The following SPIDR variants were observed in gnomAD, a reference collection of about 807,000 sequenced individuals.
SPIDR encodes scaffold protein involved in DNA repair.
A neutral mutation model predicts 104.6 loss-of-function variants in SPIDR; 93 were observed. That is an observed-to-expected ratio of 0.89 (90% CI 0.75 to 1.06). SPIDR has a LOEUF of 1.06. Among genes scored for constraint, SPIDR ranks in the 50% least tolerant of loss-of-function variants. SPIDR has a pLI of 0.00. For synonymous variants in SPIDR, 431 were observed against 416.9 expected (o/e 1.03, Z -0.41); for missense variants, 1,154 against 1,111.2 (o/e 1.04, Z -0.55).
rs201735323 is a variant in SPIDR, at chr8:47,685,505, A to ATTTTTTTTTTTTT, written c.1685+11567_1685+11568insTTTTTTTTTTTTT. Among the ~76,000 whole-genome samples, 23 of 104,418 alleles carry ATTTTTTTTTTTTT rather than the reference A, an allele frequency of 2.2e-4. 1 individual carries two copies. The highest frequency in any genetic ancestry group is 4.8e-4 in the Non-Finnish European group (20 of 41,646). 68.5% of individuals were successfully genotyped at this position (104,418 alleles called of 152,430 possible). A position where few individuals can be genotyped will look rare whatever the true frequency, so the allele number is the denominator to read the frequency against. On this transcript the variant is annotated intron_variant, in intron 11 of 19. Transcript: ENST00000297423. ...TATTTATTTATTTATTTATTTATTT[A>ATTTTTTTTTTTTT]TTTATTTATTTATTTTTTTGAGACA...
chr8:47,459,804 G>T (rs2073641746), intron 8 of SPIDR, among the ~76,000 whole-genome samples: 2 of 151,982 alleles, frequency 1.3e-5, no homozygotes, highest in South Asian at 2.1e-4. Flanking sequence ...CACCACCTTT[G>T]CCGTCTCCCA....
At chr8:47,417,843 G>A (rs1318152466) in intron 7 of SPIDR, among the ~76,000 whole-genome samples, 6 of 152,036 alleles carry the variant, frequency 3.9e-5, no homozygotes, top group African/African-American at 1.5e-4. Context: ...TCTACATATG[G>A]CTAGCCAGTT....
At chr8:47,557,293 G>A (rs191894615) in intron 8 of SPIDR, among the ~76,000 whole-genome samples, 5 of 152,254 alleles carry the variant, frequency 3.3e-5, no homozygotes, top group Admixed American at 1.3e-4. Context: ...TGCGGCAGGC[G>A]TATCTGAATA....
intron 5 of SPIDR, among the ~76,000 whole-genome samples, chr8:47,339,983 T>C (rs782789649): frequency 3.9e-5 from 6 of 152,268 alleles, no homozygotes; most frequent in Admixed American, 3.9e-4. Flanking sequence ...CTGGACTGTT[T>C]ACATTCTTCT....
intron 7 of SPIDR, among the ~76,000 whole-genome samples, chr8:47,424,279 A>G (rs1323911831): frequency 6.6e-6 from 1 of 152,172 alleles, no homozygotes; most frequent in Non-Finnish European, 1.5e-5. Flanking sequence ...TTGATATCAT[A>G]GTTTTTAAAA....
At chr8:47,479,356 CAAA>C (rs1186481801) in intron 8 of SPIDR, among the ~76,000 whole-genome samples, 2 of 92,070 alleles carry the variant, frequency 2.2e-5, no homozygotes, top group Non-Finnish European at 2.3e-5. Context: ...GAGACTCTCT[CAAA>C]AAAAAAAAAA....
intron 7 of SPIDR, among the ~76,000 whole-genome samples, chr8:47,418,619 C>T (rs954487408): frequency 1.3e-5 from 2 of 152,100 alleles, no homozygotes; most frequent in Admixed American, 6.5e-5. Flanking sequence ...ATTTCCTTCT[C>T]CTGCCTGATT....
chr8:47,315,414 A>C (rs1238256062), intron 5 of SPIDR, among the ~76,000 whole-genome samples: 1 of 152,178 alleles, frequency 6.6e-6, no homozygotes, highest in African/African-American at 2.4e-5. Flanking sequence ...GCAATAAGAT[A>C]TTCAGGAAAA....
At position 47,432,991 on chromosome 8, in the gene SPIDR, A is replaced by C. The variant is rs570858119; in HGVS notation, c.878-7332A>C. ...GCATCTCAGTCTTAATGTATTAAAA[A>C]TTTATGTCTTGATACCAGTATTCTC... On this transcript the variant is annotated intron_variant, in intron 7 of 19. Coordinates refer to ENST00000297423, the MANE Select transcript of SPIDR (RefSeq NM_001080394.4). Among the ~76,000 whole-genome samples, 308 of 152,332 alleles carry C rather than the reference A, an allele frequency of 2.0e-3. 2 individuals carry two copies. The highest frequency in any genetic ancestry group is 3.6e-3 in the Non-Finnish European group (246 of 68,030).
chr8:47,420,470 G>C (rs1554679319), intron 7 of SPIDR, among the ~76,000 whole-genome samples: 2 of 152,040 alleles, frequency 1.3e-5, no homozygotes, highest in Non-Finnish European at 1.5e-5. Context: ...TTTGCTTTTA[G>C]ATCTTCCTCC....
At position 47,673,806 on chromosome 8, in the gene SPIDR, G is replaced by C. The variant is rs372226302; in HGVS notation, c.1550G>C (p.Cys517Ser). 28 of 1,614,020 alleles carry C rather than the reference G, an allele frequency of 1.7e-5. No individual in the cohort carries two copies. In the African/African-American group the frequency reaches 2.8e-4, roughly 16 times the overall value. ...ATGTGAATGGTTTTTTACAGAGCCT[G>C]CCTTCTGGTACAAGATGCCTGTGGA... is the stretch of plus-strand genomic sequence containing the variant. Reference protein sequence around the residue: ...GHTDPAGTRACLLVQDACGMF... With the variant: ...GHTDPAGTRASLLVQDACGMF... The change falls in exon 11 of 20, where the codon TGC becomes TCC. Residue 517 changes from cysteine (C) to serine (S), a missense_variant. Coordinates refer to ENST00000297423, the MANE Select transcript of SPIDR (RefSeq NM_001080394.4).
intron 10 of SPIDR, among the ~76,000 whole-genome samples, chr8:47,601,847 G>A (rs955064419): frequency 3.9e-5 from 6 of 152,320 alleles, no homozygotes; most frequent in South Asian, 4.1e-4. Context: ...ACTAACGGCC[G>A]TAGTGCTAGC....
At chr8:47,443,840 C>T (rs1220041444) in intron 8 of SPIDR, among the ~76,000 whole-genome samples, 29 of 151,492 alleles carry the variant, frequency 1.9e-4, no homozygotes, top group Non-Finnish European at 1.5e-5. Flanking sequence ...AGTTTAGGTA[C>T]AATGGCTGCT....
At chr8:47,418,678 G>A (rs1426681822) in intron 7 of SPIDR, among the ~76,000 whole-genome samples, 5 of 152,152 alleles carry the variant, frequency 3.3e-5, no homozygotes, top group African/African-American at 1.2e-4. Flanking sequence ...TGGTGAGAGA[G>A]GGCATCCCTG....
chr8:47,735,011 CTG>C (rs1250374788), intron 19 of SPIDR, among the ~76,000 whole-genome samples: 2 of 152,166 alleles, frequency 1.3e-5, no homozygotes, highest in African/African-American at 4.8e-5. Flanking sequence ...CCAGCAGAGT[CTG>C]TGTGCATCGT....
intron 7 of SPIDR, among the ~76,000 whole-genome samples, chr8:47,440,033 G>T (rs1420713099): frequency 6.6e-6 from 1 of 152,130 alleles, no homozygotes; most frequent in South Asian, 2.1e-4. Context: ...TTAAAATGAC[G>T]GGTCTAAGGT....
chr8:47,447,730 A>G (rs1050949904), intron 8 of SPIDR, among the ~76,000 whole-genome samples: 1 of 152,198 alleles, frequency 6.6e-6, no homozygotes, highest in Non-Finnish European at 1.5e-5. Flanking sequence ...GAGTCAGTTG[A>G]TGCAGCAAAC....
At chr8:47,318,315 G>A (rs1033177629) in intron 5 of SPIDR, among the ~76,000 whole-genome samples, 13 of 152,166 alleles carry the variant, frequency 8.5e-5, no homozygotes, top group African/African-American at 1.4e-4. Flanking sequence ...CTCAGTAGCC[G>A]ATTCGATCAA....
intron 5 of SPIDR, among the ~76,000 whole-genome samples, chr8:47,367,884 A>G (rs1319070383): frequency 1.3e-5 from 2 of 152,220 alleles, no homozygotes; most frequent in Non-Finnish European, 2.9e-5. Flanking sequence ...CAAGCTGGAG[A>G]TTATAGGAAC....
Sources: allele counts gnomAD v4.1 joint callset (sites outside exome capture counted in the v4.1 genomes callset), GRCh38; gene constraint gnomAD v4.1.1; transcripts MANE v1.5; gene names NCBI Gene and HGNC (gene_info 2026-07-23, HGNC 2026-07-21).